PGAP4: variants seen among roughly 807,000 people sequenced by gnomAD.
PGAP4 encodes the protein GPI-N-acetylgalactosamine transferase PGAP4.
In PGAP4, 12 loss-of-function variants were observed where a neutral mutation model predicts 28.2. That is an observed-to-expected ratio of 0.42 (90% CI 0.27 to 0.69). The LOEUF (loss-of-function observed/expected upper bound fraction) is 0.69, where lower values mean the gene tolerates loss of function less well. PGAP4 is among the 30% of genes least tolerant of loss of function. The pLI is 0.22. For missense variants in PGAP4, 425 were observed against 513.5 expected, an observed-to-expected ratio of 0.83 and a Z score of 1.67; for synonymous variants, 205 against 211.8, an observed-to-expected ratio of 0.97 and a Z score of 0.28.
intron 1 of PGAP4, among the ~76,000 whole-genome samples, chr9:101,478,673 C>T (rs1826395391): frequency 6.6e-6 from 1 of 152,168 alleles, no homozygotes; most frequent in Non-Finnish European, 1.5e-5. Flanking sequence ...TCCCCATCTG[C>T]CAGCTGAATG....
intron 2 of PGAP4, among the ~76,000 whole-genome samples, chr9:101,500,929 A>G (rs982405327): frequency 2.0e-5 from 3 of 152,102 alleles, no homozygotes; most frequent in African/African-American, 7.2e-5. Flanking sequence ...GGGGACTGTC[A>G]TGAGAAAAAG....
At chr9:101,525,699 CAAAAAA>C (rs397893277) in intron 2 of PGAP4, among the ~76,000 whole-genome samples, 1,821 of 61,404 alleles carry the variant, frequency 0.03, 48 homozygotes, top group Admixed American at 0.13. Context: ...CAGAGCGTCT[CAAAAAA>C]AAAAAAAAAA....
Position 101,487,027 on chromosome 9 carries a change from C to T in PGAP4, c.-156G>A, listed in dbSNP as rs1337157875. 6.6e-6 allele frequency: 1 copy of T among 152,330 alleles called. No individual in the cohort carries two copies. Among genetic ancestry groups the T allele is most frequent in the East Asian group, 1.9e-4 (1 of 5,192 alleles). 9.4% of individuals were successfully genotyped at this position (152,330 alleles called of 1,614,324 possible). ...ATTGCCCAGGCTGGCTAGCTCATCC[C>T]GGTGGAGGCGCCATCTCCGGGGCCC... On this transcript the variant is annotated 5_prime_UTR_variant, in exon 1 of 2. Coordinates refer to ENST00000374848, the MANE Select transcript of PGAP4 (RefSeq NM_032342.3).
At chr9:101,520,691 G>A (rs1484445259) in intron 2 of PGAP4, among the ~76,000 whole-genome samples, 2 of 152,088 alleles carry the variant, frequency 1.3e-5, no homozygotes, top group Admixed American at 6.6e-5. Context: ...CCTCTTTACC[G>A]ATTTGGATGC....
At chr9:101,477,223 C>CAAACAAAA (rs1028568405) in intron 1 of PGAP4, 54 bp from the exon 2 acceptor site, 1 of 1,332,886 alleles carries the variant, frequency 7.5e-7, no homozygotes, top group African/African-American at 1.5e-5. Context: ...AACAAACAAA[C>CAAACAAAA]AAACAAACAA....
chr9:101,507,077 C>T (rs538229498), intron 2 of PGAP4, among the ~76,000 whole-genome samples: 32 of 152,050 alleles, frequency 2.1e-4, no homozygotes, highest in Non-Finnish European at 4.3e-4. Flanking sequence ...TGTTTGCTTT[C>T]ACCTGGAATA....
intron 2 of PGAP4, among the ~76,000 whole-genome samples, chr9:101,516,284 T>C (rs184228468): frequency 7.9e-5 from 12 of 152,310 alleles, no homozygotes; most frequent in Admixed American, 2.0e-4. Flanking sequence ...TTGCTGATCA[T>C]TATAACCATC....
intron 2 of PGAP4, among the ~76,000 whole-genome samples, chr9:101,506,207 G>A (rs896710492): frequency 3.9e-5 from 6 of 151,950 alleles, no homozygotes; most frequent in Non-Finnish European, 7.4e-5. Context: ...ATAGTAAGCC[G>A]CTACCAGTTA....
At position 101,476,236 on chromosome 9, in the gene PGAP4, CGGCTGGCAAACCTCA is replaced by C; in HGVS notation, c.842_856del (p.Met281_Arg286delinsSer). On this transcript the variant is annotated inframe_deletion, in exon 2 of 2. Coordinates refer to ENST00000374848, the MANE Select transcript of PGAP4 (RefSeq NM_032342.3). The surrounding 1 kb of genome is among the most constrained non-coding windows in gnomAD (Gnocchi z 7.0). The stretch of plus-strand genomic sequence containing the variant: ...CATTACAGGCCAGCTAAACCCTGGG[CGGCTGGCAAACCTCA>C]TGTATATCCAGGTTAGTAAGGGCCC... The C allele has an allele frequency of 6.2e-7, 1 of 1,614,096 alleles. No individual in the cohort carries two copies. Among genetic ancestry groups the C allele is most frequent in the Non-Finnish European group, 8.5e-7 (1 of 1,180,012 alleles).
At chr9:101,492,051 G>T (rs1490501824), upstream of PGAP4, among the ~76,000 whole-genome samples, 1 of 151,674 alleles carries the variant, frequency 6.6e-6, no homozygotes, top group Non-Finnish European at 1.5e-5. Flanking sequence ...TCAATTATAG[G>T]AAAAGTCTGT....
intron 2 of PGAP4, among the ~76,000 whole-genome samples, chr9:101,509,332 G>T (rs1445076434): frequency 1.3e-5 from 2 of 152,130 alleles, no homozygotes; most frequent in Admixed American, 6.6e-5. Context: ...TTTGAATGCT[G>T]CCACTTTATC....
At position 101,473,579 on chromosome 9, in the gene PGAP4, G is replaced by A. The variant is rs894368258; in HGVS notation, c.*2302C>T. 1 of 152,298 alleles carries A rather than the reference G, an allele frequency of 6.6e-6. No homozygotes were observed. The highest frequency in any genetic ancestry group is 1.5e-5 in the Non-Finnish European group (1 of 68,068). 9.4% of individuals were successfully genotyped at this position (152,298 alleles called of 1,614,324 possible). A position where few individuals can be genotyped will look rare whatever the true frequency, so the allele number is the denominator to read the frequency against. On this transcript the variant is annotated 3_prime_UTR_variant, in exon 2 of 2. Coordinates refer to ENST00000374848, the MANE Select transcript of PGAP4 (RefSeq NM_032342.3). ...CACTCCATGGGGAAAAGGCATGTTA[G>A]TGTGTAGGTAGAGAAACTGGACAAG... is the stretch of plus-strand genomic sequence containing the variant.
At chr9:101,516,799 T>C (rs1475013513) in intron 2 of PGAP4, among the ~76,000 whole-genome samples, 1 of 152,182 alleles carries the variant, frequency 6.6e-6, no homozygotes, top group Non-Finnish European at 1.5e-5. Context: ...GTTCCTTCAT[T>C]TGATTATCCA....
intron 2 of PGAP4, among the ~76,000 whole-genome samples, chr9:101,530,857 A>T (rs1440483081): frequency 6.6e-6 from 1 of 152,196 alleles, no homozygotes; most frequent in Non-Finnish European, 1.5e-5. Flanking sequence ...TTGGTGAAAC[A>T]TTATTCTGGA....
At position 101,476,895 on chromosome 9, in the gene PGAP4, C is replaced by T. The variant is rs1175410088; in HGVS notation, c.198G>A (p.Leu66=). 1 of 1,613,508 alleles carries T rather than the reference C, an allele frequency of 6.2e-7. No homozygotes were observed. Among genetic ancestry groups the T allele is most frequent in the Admixed American group, 1.7e-5 (1 of 59,998 alleles). Residue 66 remains leucine (L), a synonymous_variant, in exon 2 of 2, where the codon CTG becomes CTA. Coordinates refer to ENST00000374848, the MANE Select transcript of PGAP4 (RefSeq NM_032342.3). The surrounding 1 kb of genome is among the most constrained non-coding windows in gnomAD (Gnocchi z 7.0). ...CCTCACCCTCTTTCAAGCTTTGCTGCAGGAACTCTTGGCTCATTTGGTTCA... is the reference window on the plus strand; with the variant it reads ...CCTCACCCTCTTTCAAGCTTTGCTGTAGGAACTCTTGGCTCATTTGGTTCA... The part of the protein sequence containing the change: ...WHLNQMSQEF[L]QQSLKEGEAA...
intron 1 of PGAP4, among the ~76,000 whole-genome samples, chr9:101,532,057 G>A (rs1465077712): frequency 6.6e-6 from 1 of 152,180 alleles, no homozygotes; most frequent in African/African-American, 2.4e-5. Context: ...ATCGTCCGAG[G>A]TCAGGAGTTT....
chr9:101,526,680 G>T (rs540919019), intron 2 of PGAP4, among the ~76,000 whole-genome samples: 5 of 152,056 alleles, frequency 3.3e-5, no homozygotes, highest in Non-Finnish European at 5.9e-5. Context: ...AACTCCTGAC[G>T]TCAGGTGATC....
At chr9:101,478,949 C>A (rs1201824988) in intron 1 of PGAP4, among the ~76,000 whole-genome samples, 1 of 152,176 alleles carries the variant, frequency 6.6e-6, no homozygotes, top group African/African-American at 2.4e-5. Context: ...ACCAAATGTA[C>A]AGTGACATGG....
intron 1 of PGAP4, among the ~76,000 whole-genome samples, chr9:101,479,149 C>T (rs1333316940): frequency 6.6e-6 from 1 of 152,234 alleles, no homozygotes; most frequent in Non-Finnish European, 1.5e-5. Context: ...CAGCATATTG[C>T]AGACTGGTTG....
Sources: allele counts gnomAD v4.1 joint callset (sites outside exome capture counted in the v4.1 genomes callset), GRCh38; gene constraint gnomAD v4.1.1; non-coding constraint Gnocchi (gnomAD v3.1); transcripts MANE v1.5; gene names NCBI Gene and HGNC (gene_info 2026-07-23, HGNC 2026-07-21).